UBE2E2: variants seen among roughly 807,000 people sequenced by gnomAD.
UBE2E2 encodes ubiquitin conjugating enzyme E2 E2.
In UBE2E2, 6 loss-of-function variants were observed where a neutral mutation model predicts 24.7. The observed-to-expected ratio is 0.24, with a 90% CI of 0.13 to 0.48. The LOEUF is 0.48. UBE2E2 is among the 20% of genes least tolerant of loss of function. The pLI is 0.99. For missense variants in UBE2E2, 169 were observed against 245.0 expected, an observed-to-expected ratio of 0.69 and a Z score of 2.07; for synonymous variants, 104 against 83.6, an observed-to-expected ratio of 1.24 and a Z score of -1.33.
At chr3:23,571,290 T>TTTTTTTTTTTTTTTTTTTTTTTTTTC (rs1696222109) in intron 5 of UBE2E2, among the ~76,000 whole-genome samples, 1 of 93,106 alleles carries the variant, frequency 1.1e-5, no homozygotes, top group Admixed American at 1.2e-4. Context: ...CTTTTTTTTT[T>TTTTTTTTTTTTTTTTTTTTTTTTTTC]TTTTTTTTTT....
intron 3 of UBE2E2, among the ~76,000 whole-genome samples, chr3:23,230,507 G>T (rs1559448524): frequency 6.6e-6 from 1 of 152,178 alleles, no homozygotes; most frequent in Admixed American, 6.5e-5. Flanking sequence ...AGAGTTGGCT[G>T]GGCGCAGGGG....
At chr3:23,471,825 G>A (rs1023294851) in intron 3 of UBE2E2, among the ~76,000 whole-genome samples, 8 of 151,980 alleles carry the variant, frequency 5.3e-5, no homozygotes, top group Admixed American at 2.0e-4. Flanking sequence ...CCACAAAGTG[G>A]GAGACCACAT....
At chr3:23,342,745 A>G (rs886626301) in intron 3 of UBE2E2, among the ~76,000 whole-genome samples, 2 of 152,180 alleles carry the variant, frequency 1.3e-5, no homozygotes, top group Non-Finnish European at 2.9e-5. Flanking sequence ...TATTAGCATC[A>G]CCCTGCGTTG....
chr3:23,355,110 T>C (rs1475215029), intron 3 of UBE2E2, among the ~76,000 whole-genome samples: 3 of 151,820 alleles, frequency 2.0e-5, no homozygotes, highest in Non-Finnish European at 4.4e-5. Flanking sequence ...ATCATCATTC[T>C]CAGTAAACTA....
intron 3 of UBE2E2, among the ~76,000 whole-genome samples, chr3:23,312,497 A>C (rs543992117): frequency 6.6e-6 from 1 of 151,940 alleles, no homozygotes; most frequent in African/African-American, 2.4e-5. Flanking sequence ...TAATCCGTTA[A>C]CCATCCCACG....
Position 23,417,253 on chromosome 3 carries a change from G to A in UBE2E2, c.228-82355G>A, listed in dbSNP as rs541729542. Among the ~76,000 whole-genome samples, 40 of 152,252 alleles carry A rather than the reference G, an allele frequency of 2.6e-4. No individual in the cohort carries two copies. In the South Asian group the frequency reaches 4.8e-3, roughly 18 times the overall value. On this transcript the variant is annotated intron_variant, in intron 3 of 5. Transcript: ENST00000396703. ...GGGTTTCTGTGTGGACGTCCTTTTC[G>A]TTGATGTTGATGCTATTCCTTTCTG...
intron 3 of UBE2E2, among the ~76,000 whole-genome samples, chr3:23,315,129 A>C (rs1694533943): frequency 6.6e-6 from 1 of 152,160 alleles, no homozygotes; most frequent in Non-Finnish European, 1.5e-5. Flanking sequence ...CTTGTGTTAG[A>C]AAATTTTGGT....
chr3:23,372,602 G>A (rs1445690348), intron 3 of UBE2E2, among the ~76,000 whole-genome samples: 1 of 152,200 alleles, frequency 6.6e-6, no homozygotes. Context: ...GGTCTGTACA[G>A]TGAAAGACTG....
chr3:23,407,169 G>T lies in UBE2E2; in HGVS notation c.228-92439G>T, dbSNP rs1044587301. ...TCTCCCTTTTTCTCTTGAGAACCCT[G>T]ACTTTCAGAATGGCCTGGAAAAAAA... On this transcript the variant is annotated intron_variant, in intron 3 of 5. Transcript: ENST00000396703. This position sits in a 1 kb window ranked among gnomAD's most constrained non-coding sequence, Gnocchi z 4.0. Among the ~76,000 whole-genome samples the T allele has an allele frequency of 4.6e-5, 7 of 151,872 alleles. No individual in the cohort carries two copies. The highest frequency in any genetic ancestry group is 8.8e-5 in the Non-Finnish European group (6 of 67,978).
At chr3:23,582,858 T>TGA (rs1318432779) in intron 5 of UBE2E2, among the ~76,000 whole-genome samples, 11 of 117,222 alleles carry the variant, frequency 9.4e-5, no homozygotes, top group African/African-American at 1.7e-4. Flanking sequence ...TTTATTCTGT[T>TGA]GAGTGTGTGT....
chr3:23,398,337 G>A (rs924239341), intron 3 of UBE2E2, among the ~76,000 whole-genome samples: 2 of 131,786 alleles, frequency 1.5e-5, no homozygotes, highest in Non-Finnish European at 3.2e-5. Flanking sequence ...AAAAAAACTT[G>A]GAAAGTGGGA....
intron 3 of UBE2E2, among the ~76,000 whole-genome samples, chr3:23,415,908 C>A (rs1353043629): frequency 6.6e-6 from 1 of 151,966 alleles, no homozygotes; most frequent in Admixed American, 6.6e-5. Flanking sequence ...TCCCAGCCCC[C>A]GAGAGGCCCC....
intron 4 of UBE2E2, among the ~76,000 whole-genome samples, chr3:23,511,193 A>C (rs1366166106): frequency 2.0e-5 from 3 of 152,374 alleles, no homozygotes; most frequent in Non-Finnish European, 4.4e-5. Flanking sequence ...TGTAGAATAC[A>C]TAGCGGCATG....
In UBE2E2 at chr3:23,546,223, T is replaced by C. The variant is rs545341833; in HGVS notation, c.508+13522T>C. 4.6e-5 allele frequency among the ~76,000 whole-genome samples: 7 copies of C among 152,314 alleles called. No individual in the cohort carries two copies. The South Asian group carries it at 1.5e-3, about 32-fold the overall frequency. On this transcript the variant is annotated intron_variant, in intron 5 of 5. Transcript: ENST00000396703. ...ATCTGATTGAAAAGTCACTGTATCT[T>C]ATGAAAATTCTCTTCAGTTTATGTT...
chr3:23,257,092 TG>T (rs1405572703), intron 3 of UBE2E2, among the ~76,000 whole-genome samples: 1 of 152,216 alleles, frequency 6.6e-6, no homozygotes, highest in African/African-American at 2.4e-5. Flanking sequence ...TTCTTTTCTC[TG>T]GATGGATGTA....
intron 3 of UBE2E2, among the ~76,000 whole-genome samples, chr3:23,374,843 A>G (rs1696481761): frequency 1.3e-5 from 2 of 152,168 alleles, no homozygotes; most frequent in Non-Finnish European, 2.9e-5. Flanking sequence ...TGTGTTGCCC[A>G]TGCTAGTCTC....
chr3:23,359,032 A>G (rs547876156), intron 3 of UBE2E2, among the ~76,000 whole-genome samples: 109 of 152,348 alleles, frequency 7.2e-4, no homozygotes, highest in African/African-American at 2.5e-3. Flanking sequence ...TGGCAGAGAC[A>G]AGGGGATGAT....
At chr3:23,499,099 T>G (rs189082251) in intron 3 of UBE2E2, among the ~76,000 whole-genome samples, 4 of 152,308 alleles carry the variant, frequency 2.6e-5, no homozygotes, top group Admixed American at 2.6e-4. Context: ...TCTACAGACC[T>G]CATTGGTCAT....
At chr3:23,222,751 G>C (rs961494547) in intron 3 of UBE2E2, among the ~76,000 whole-genome samples, 1 of 152,106 alleles carries the variant, frequency 6.6e-6, no homozygotes, top group Non-Finnish European at 1.5e-5. Context: ...GGAATTGCTG[G>C]ATCATATGGA....
Sources: allele counts gnomAD v4.1 joint callset (sites outside exome capture counted in the v4.1 genomes callset), GRCh38; gene constraint gnomAD v4.1.1; non-coding constraint Gnocchi (gnomAD v3.1); transcripts MANE v1.5; gene names NCBI Gene and HGNC (gene_info 2026-07-23, HGNC 2026-07-21).